Variants in PRKG1 observed in about 807,000 individuals in gnomAD.
PRKG1 encodes the protein cGMP-dependent protein kinase 1.
Under a neutral mutation model 88.1 loss-of-function variants are expected in PRKG1, and 35 were observed. The ratio of observed to expected loss-of-function variants is 0.40; its 90% confidence interval spans 0.30 to 0.53. The LOEUF (loss-of-function observed/expected upper bound fraction) is 0.53, where lower values mean the gene tolerates loss of function less well. Among genes scored for constraint, PRKG1 ranks in the 20% least tolerant of loss-of-function variants. The pLI is 0.59. For synonymous variants in PRKG1, 303 were observed against 292.5 expected (o/e 1.04, Z -0.37); for missense variants, 540 against 839.8 (o/e 0.64, Z 4.41).
At chr10:52,062,387 G>A (rs1003395842) in intron 6 of PRKG1, 150 bp from the exon 7 acceptor site, 3 of 424,148 alleles carry the variant, frequency 7.1e-6, no homozygotes, top group African/African-American at 4.1e-5. Flanking sequence ...TTGTGATGTT[G>A]TTCTTTGGTC....
intron 1 of PRKG1, among the ~76,000 whole-genome samples, chr10:51,113,607 C>T (rs1845029309): frequency 6.6e-6 from 1 of 151,026 alleles, no homozygotes. Context: ...GTTTAAAATA[C>T]AAACAATGAA....
At chr10:51,988,151 G>A (rs921464555) in intron 5 of PRKG1, among the ~76,000 whole-genome samples, 2 of 151,850 alleles carry the variant, frequency 1.3e-5, no homozygotes, top group Admixed American at 6.6e-5. Context: ...ATATCGTTAT[G>A]GGGAATATCA....
intron 5 of PRKG1, among the ~76,000 whole-genome samples, chr10:52,013,608 C>G (rs191631147): frequency 1.3e-5 from 2 of 152,082 alleles, no homozygotes; most frequent in African/African-American, 2.4e-5. Context: ...AGCTTATGTT[C>G]GAGAAAACTG....
intron 2 of PRKG1, among the ~76,000 whole-genome samples, chr10:51,395,968 T>C (rs1202969552): frequency 1.3e-5 from 2 of 152,248 alleles, no homozygotes; most frequent in Non-Finnish European, 2.9e-5. Context: ...CCAGGTCATA[T>C]GAAATTATAT....
chr10:52,099,226 G>A (rs917450238), intron 7 of PRKG1, among the ~76,000 whole-genome samples: 5 of 152,080 alleles, frequency 3.3e-5, no homozygotes, highest in African/African-American at 1.2e-4. Flanking sequence ...TTCACTTGTG[G>A]CTACCTGTAG....
At chr10:51,731,992 C>T (rs1320344221) in intron 3 of PRKG1, among the ~76,000 whole-genome samples, 2 of 150,598 alleles carry the variant, frequency 1.3e-5, no homozygotes, top group Non-Finnish European at 3.0e-5. Flanking sequence ...AAATTCCCTC[C>T]CTCTCCCCCT....
At chr10:51,555,787 AG>A (rs1837294695) in intron 3 of PRKG1, among the ~76,000 whole-genome samples, 1 of 151,986 alleles carries the variant, frequency 6.6e-6, no homozygotes, top group South Asian at 2.1e-4. Context: ...GTAGGGGAAG[AG>A]GAAGGGTTAC....
chr10:50,991,332 G>T lies in PRKG1; in HGVS notation c.-47G>T. ...CCCAGCCGCCGCCGCCGCCGCCGCC[G>T]CCGCCGCCGCCCGAGAAAAAGTTTC... is the stretch of plus-strand genomic sequence containing the variant. On this transcript the variant is annotated 5_prime_UTR_variant, in exon 1 of 18. Transcript: ENST00000401604. The surrounding 1 kb of genome is among the most constrained non-coding windows in gnomAD (Gnocchi z 4.5). 1.3e-6 allele frequency: 2 copies of T among 1,495,018 alleles called. No individual in the cohort carries two copies. Among genetic ancestry groups the T allele is most frequent in the Non-Finnish European group, 1.8e-6 (2 of 1,124,728 alleles). 92.6% of individuals were successfully genotyped at this position (1,495,018 alleles called of 1,614,324 possible). A position where few individuals can be genotyped will look rare whatever the true frequency, so the allele number is the denominator to read the frequency against.
At chr10:51,302,352 A>C (rs1840912510) in intron 2 of PRKG1, among the ~76,000 whole-genome samples, 1 of 152,220 alleles carries the variant, frequency 6.6e-6, no homozygotes, top group Admixed American at 6.5e-5. Context: ...TATTCATTTT[A>C]GTAATTTGAG....
chr10:51,628,959 C>G (rs1195787055), intron 3 of PRKG1, among the ~76,000 whole-genome samples: 1 of 89,094 alleles, frequency 1.1e-5, no homozygotes, highest in African/African-American at 4.1e-5. Flanking sequence ...GAGCGAGACT[C>G]CGTCTCAAAA....
rs115462345 is a variant in PRKG1, at chr10:51,542,119, C to T, written c.592+74283C>T. ...CCCTTGATTTGTGAGATCTGACCTACCGAGAGAATCATGTTTCCATATAAG... is the reference window on the plus strand; with the variant it reads ...CCCTTGATTTGTGAGATCTGACCTATCGAGAGAATCATGTTTCCATATAAG... On this transcript the variant is annotated intron_variant, in intron 3 of 17. Transcript: ENST00000373980. Among the ~76,000 whole-genome samples the T allele has an allele frequency of 2.4e-3, 364 of 152,116 alleles. 2 individuals are homozygous for T. The highest frequency in any genetic ancestry group is 8.2e-3 in the African/African-American group (340 of 41,498).
intron 1 of PRKG1, among the ~76,000 whole-genome samples, chr10:51,061,125 T>C (rs988143980): frequency 7.9e-5 from 12 of 150,984 alleles, no homozygotes; most frequent in Admixed American, 7.9e-4. Context: ...AAGACATACC[T>C]GAGACTGGGT....
intron 4 of PRKG1, among the ~76,000 whole-genome samples, chr10:51,855,422 A>T (rs1840655576): frequency 1.3e-5 from 2 of 152,196 alleles, no homozygotes; most frequent in African/African-American, 4.8e-5. Flanking sequence ...ATTACATAGT[A>T]GTCCTCATGG....
At chr10:51,578,100 T>C (rs1312719022) in intron 3 of PRKG1, among the ~76,000 whole-genome samples, 1 of 152,134 alleles carries the variant, frequency 6.6e-6, no homozygotes, top group Non-Finnish European at 1.5e-5. Context: ...AGAGAGTTGA[T>C]AAAACAGGAA....
At chr10:51,995,037 C>A (rs1796131613) in intron 5 of PRKG1, among the ~76,000 whole-genome samples, 1 of 151,954 alleles carries the variant, frequency 6.6e-6, no homozygotes, top group East Asian at 1.9e-4. Flanking sequence ...TATTAATCGG[C>A]ACTTAATATT....
chr10:51,968,612 A>G (rs1269617862), intron 5 of PRKG1, among the ~76,000 whole-genome samples: 1 of 151,840 alleles, frequency 6.6e-6, no homozygotes, highest in Non-Finnish European at 1.5e-5. Flanking sequence ...CACGAGGTCA[A>G]GAGTTCGAGA....
At chr10:51,313,721 C>T (rs1343908562) in intron 2 of PRKG1, among the ~76,000 whole-genome samples, 1 of 152,102 alleles carries the variant, frequency 6.6e-6, no homozygotes, top group East Asian at 1.9e-4. Flanking sequence ...TGCAGATGCT[C>T]AATTCTCTAA....
At chr10:51,441,812 T>G (rs1479406411) in intron 2 of PRKG1, among the ~76,000 whole-genome samples, 1 of 152,016 alleles carries the variant, frequency 6.6e-6, no homozygotes, top group Non-Finnish European at 1.5e-5. Context: ...CTGAGTCATA[T>G]TACACCACTC....
intron 1 of PRKG1, among the ~76,000 whole-genome samples, chr10:51,139,677 A>C (rs1284082341): frequency 6.6e-6 from 1 of 152,196 alleles, no homozygotes; most frequent in Non-Finnish European, 1.5e-5. Context: ...CTTGCAAAAT[A>C]TACTTTCAAG....
Sources: allele counts gnomAD v4.1 joint callset (sites outside exome capture counted in the v4.1 genomes callset), GRCh38; gene constraint gnomAD v4.1.1; non-coding constraint Gnocchi (gnomAD v3.1); transcripts MANE v1.5; gene names NCBI Gene and HGNC (gene_info 2026-07-23, HGNC 2026-07-21).